Variants in SGCZ observed in about 807,000 individuals in gnomAD.
The protein encoded by SGCZ is sarcoglycan zeta, also known as zeta-sarcoglycan.
SGCZ carries 40 observed loss-of-function variants against 41.3 expected under a neutral mutation model. That is an observed-to-expected ratio of 0.97 (90% CI 0.75 to 1.26). The LOEUF (loss-of-function observed/expected upper bound fraction) is 1.26, where lower values mean the gene tolerates loss of function less well. Among genes scored for constraint, SGCZ ranks in the 50% most tolerant of loss-of-function variants. The pLI is 0.00. For synonymous variants in SGCZ, 206 were observed against 137.5 expected, an observed-to-expected ratio of 1.50 and a Z score of -3.49; for missense variants, 552 against 369.8, an observed-to-expected ratio of 1.49 and a Z score of -4.04.
chr8:14,309,282 G>C (rs1289597286), intron 3 of SGCZ: 2 of 1,563,418 alleles, frequency 1.3e-6, no homozygotes, highest in Non-Finnish European at 1.8e-6. Context: ...TTAATGCCTG[G>C]CTGTGACTAC....
intron 4 of SGCZ, among the ~76,000 whole-genome samples, chr8:14,183,601 ATAT>A (rs1224280258): frequency 6.6e-6 from 1 of 152,212 alleles, no homozygotes; most frequent in African/African-American, 2.4e-5. Context: ...AGAACACGGA[ATAT>A]TATCTCAGCA....
intron 5 of SGCZ, among the ~76,000 whole-genome samples, chr8:14,142,077 A>T (rs1296515087): frequency 6.6e-6 from 1 of 152,186 alleles, no homozygotes; most frequent in Non-Finnish European, 1.5e-5. Flanking sequence ...ACAGAAAACC[A>T]AACACCGCAT....
At chr8:14,744,597 G>A (rs1401479232) in intron 1 of SGCZ, among the ~76,000 whole-genome samples, 3 of 152,078 alleles carry the variant, frequency 2.0e-5, no homozygotes, top group Non-Finnish European at 4.4e-5. Context: ...CTGGATCCAC[G>A]TAGAGGTGTA....
chr8:14,469,375 T>C (rs1801145286), intron 2 of SGCZ, among the ~76,000 whole-genome samples: 1 of 151,890 alleles, frequency 6.6e-6, no homozygotes, highest in African/African-American at 2.4e-5. Flanking sequence ...GTCTACTTGT[T>C]GTCTCAAATC....
At chr8:14,440,349 G>A (rs1297952185) in intron 2 of SGCZ, among the ~76,000 whole-genome samples, 2 of 152,016 alleles carry the variant, frequency 1.3e-5, no homozygotes, top group East Asian at 3.9e-4. Flanking sequence ...GGAAATCTTA[G>A]ATAAATAAGT....
intron 1 of SGCZ, among the ~76,000 whole-genome samples, chr8:14,788,341 T>A (rs1227453376): frequency 6.6e-6 from 1 of 152,148 alleles, no homozygotes; most frequent in Admixed American, 6.5e-5. Context: ...CCTTGGGCGA[T>A]TAATTTCTCT....
intron 1 of SGCZ, among the ~76,000 whole-genome samples, chr8:14,575,990 A>G (rs1204960059): frequency 6.6e-6 from 1 of 152,072 alleles, no homozygotes; most frequent in African/African-American, 2.4e-5. Flanking sequence ...ATTGACATTC[A>G]TAGATCACAA....
chr8:15,023,065 T>C (rs2898406), intron 1 of SGCZ, among the ~76,000 whole-genome samples: 10,116 of 152,186 alleles, frequency 0.066, 1,077 homozygotes, highest in African/African-American at 0.22. Context: ...ACTCCTCTTG[T>C]TGCCAGAGAA....
At chr8:14,429,032 G>A (rs1799868959) in intron 2 of SGCZ, among the ~76,000 whole-genome samples, 1 of 152,154 alleles carries the variant, frequency 6.6e-6, no homozygotes, top group Non-Finnish European at 1.5e-5. Context: ...ACTGGCAAAG[G>A]TGTTGTGAAG....
intron 3 of SGCZ, among the ~76,000 whole-genome samples, chr8:14,277,300 C>G (rs1467808837): frequency 2.0e-5 from 3 of 152,056 alleles, no homozygotes; most frequent in Non-Finnish European, 4.4e-5. Flanking sequence ...GGGTCATGTT[C>G]CTTCATAAGT....
chr8:14,502,890 T>C (rs1802196041), intron 2 of SGCZ, among the ~76,000 whole-genome samples: 1 of 152,184 alleles, frequency 6.6e-6, no homozygotes, highest in African/African-American at 2.4e-5. Flanking sequence ...AGTGTGGTGA[T>C]TCCTCAAGGA....
At chr8:14,163,837 G>C (rs989493957) in intron 5 of SGCZ, among the ~76,000 whole-genome samples, 2 of 152,256 alleles carry the variant, frequency 1.3e-5, no homozygotes, top group African/African-American at 4.8e-5. Context: ...TGGGAAACAT[G>C]AAGTCAAATA....
At chr8:14,175,452 C>G (rs1804514693) in intron 4 of SGCZ, among the ~76,000 whole-genome samples, 1 of 151,720 alleles carries the variant, frequency 6.6e-6, no homozygotes, top group South Asian at 2.1e-4. Context: ...AATAAAATGC[C>G]CATAAGTAAT....
intron 2 of SGCZ, among the ~76,000 whole-genome samples, chr8:14,340,612 A>G (rs1206742685): frequency 6.6e-6 from 1 of 152,128 alleles, no homozygotes; most frequent in Non-Finnish European, 1.5e-5. Context: ...ACGTTCACTG[A>G]GGTTGAAAAA....
chr8:14,540,465 A>C (rs1190928679), intron 2 of SGCZ, among the ~76,000 whole-genome samples: 1 of 151,378 alleles, frequency 6.6e-6, no homozygotes, highest in Non-Finnish European at 1.5e-5. Context: ...TATCTGTTAC[A>C]TTATATCTCT....
chr8:15,190,452 G>C lies in SGCZ; in HGVS notation c.39+47133C>G, dbSNP rs138243343. Reference sequence around the variant, plus strand: ...GTTAAGACTCACTCTCAGCCCTCAAGTGACAGTCTAGTCAGAGAAATAGGC... The same window carrying C: ...GTTAAGACTCACTCTCAGCCCTCAACTGACAGTCTAGTCAGAGAAATAGGC... On this transcript the variant is annotated intron_variant, in intron 1 of 7. Transcript: ENST00000382080. Among the ~76,000 whole-genome samples, 28 of 152,152 alleles carry C rather than the reference G, an allele frequency of 1.8e-4. No individual in the cohort carries two copies. The East Asian group carries it at 5.2e-3, about 28-fold the overall frequency.
intron 1 of SGCZ, among the ~76,000 whole-genome samples, chr8:14,838,146 G>A (rs1459690844): frequency 2.6e-5 from 4 of 152,204 alleles, no homozygotes; most frequent in Admixed American, 2.0e-4. Flanking sequence ...GTAGAATGAT[G>A]GTTACCAGAA....
intron 1 of SGCZ, among the ~76,000 whole-genome samples, chr8:14,882,817 T>C (rs932844468): frequency 1.3e-5 from 2 of 152,124 alleles, no homozygotes; most frequent in African/African-American, 4.8e-5. Context: ...CACTAGACCC[T>C]GTCGGCTCAG....
At chr8:14,439,663 A>T (rs55750710) in intron 2 of SGCZ, among the ~76,000 whole-genome samples, 1,752 of 152,124 alleles carry the variant, frequency 0.012, 36 homozygotes, top group African/African-American at 0.039. Context: ...AGTATAAACC[A>T]AAGAAGAAAA....
Sources: gnomAD v4.1 joint callset for allele counts (sites outside exome capture counted in the v4.1 genomes callset) on GRCh38, gnomAD v4.1.1 for gene constraint, MANE v1.5 for transcripts, NCBI Gene and HGNC (gene_info 2026-07-23, HGNC 2026-07-21) for gene names.